FMO3: variants seen among roughly 807,000 people sequenced by gnomAD.
FMO3 encodes the protein flavin-containing monooxygenase 3.
A neutral mutation model predicts 39.4 loss-of-function variants in FMO3; 40 were observed. The observed-to-expected ratio is 1.02, with a 90% CI of 0.79 to 1.32. FMO3 has a LOEUF of 1.32. Among genes scored for constraint, FMO3 ranks in the 40% most tolerant of loss-of-function variants. The pLI is 0.00. For synonymous variants in FMO3, 219 were observed against 228.8 expected (o/e 0.96, Z 0.39); for missense variants, 680 against 651.8 (o/e 1.04, Z -0.47).
intron 2 of FMO3, chr1:171,099,734 G>A (rs1296007783): frequency 6.8e-6 from 1 of 147,522 alleles, no homozygotes; most frequent in Non-Finnish European, 1.5e-5. Context: ...TTCACCAAGT[G>A]GCCTATCGAG....
intron 2 of FMO3, 69 bp from the exon 3 acceptor site, chr1:171,103,716 A>T (rs1026056857): frequency 4.5e-6 from 6 of 1,334,172 alleles, no homozygotes; most frequent in Admixed American, 1.7e-5. Flanking sequence ...AATTACTTGG[A>T]ACCAGCCCTG....
At chr1:171,095,584 G>C (rs566170994) in intron 2 of FMO3, among the ~76,000 whole-genome samples, 3 of 150,848 alleles carry the variant, frequency 2.0e-5, no homozygotes, top group South Asian at 4.2e-4. Context: ...CAATGAAAAG[G>C]TTGTATTTAA....
chr1:171,100,963 T>C (rs1291422156), intron 2 of FMO3: 1 of 362,166 alleles, frequency 2.8e-6, no homozygotes, highest in African/African-American at 2.1e-5. Context: ...GAATGCATCG[T>C]TAAAAGAGAG....
rs1464579573 is a variant in FMO3, at chr1:171,117,212, T to C, written c.1369T>C (p.Leu457=). ...ATGGCTGTTTCTCACAGATCCCAAA[T>C]TGGCCATGGAAGTTTATTTTGGCCC... ...IPWLFLTDPK[L]AMEVYFGPCS... The change falls in exon 9 of 9, where the codon TTG becomes CTG. Residue 457 remains leucine (L), a synonymous_variant. Transcript: ENST00000367755. The C allele has an allele frequency of 1.2e-6, 2 of 1,614,164 alleles. No homozygotes were observed. The highest frequency in any genetic ancestry group is 2.2e-5 in the East Asian group (1 of 44,878).
In FMO3 at chr1:171,110,883, G is replaced by A. The variant is rs748324481; in HGVS notation, c.713G>A (p.Arg238Gln). ...GYPWDMLLVT[R>Q]FGTFLKNNLP... is the part of the protein sequence containing the mutation. ...CCTTGGGACATGCTGCTCGTCACTCGATTTGGAACCTTCCTCAAGAACAAT... is the reference window on the plus strand; with the variant it reads ...CCTTGGGACATGCTGCTCGTCACTCAATTTGGAACCTTCCTCAAGAACAAT... The change falls in exon 6 of 9, where the codon CGA becomes CAA. Residue 238 changes from arginine to glutamine, a missense_variant. Physicochemically the swap from Arg to Gln is conservative, Grantham distance 43. Transcript: ENST00000367755. 2.4e-5 allele frequency: 39 copies of A among 1,613,908 alleles called. No individual in the cohort carries two copies. Among genetic ancestry groups the A allele is most frequent in the Non-Finnish European group, 3.0e-5 (35 of 1,179,958 alleles).
chr1:171,110,976 A>G lies in FMO3; in HGVS notation c.806A>G (p.Tyr269Cys). 6.2e-7 allele frequency: 1 copy of G among 1,613,630 alleles called. No individual in the cohort carries two copies. Among genetic ancestry groups the G allele is most frequent in the South Asian group, 1.1e-5 (1 of 91,072 alleles). Reference protein sequence around the residue: ...QMNARFKHENYGLMPLNGVLR... With the variant: ...QMNARFKHENCGLMPLNGVLR... ...AATGCAAGATTCAAGCATGAAAACTATGGCTTGATGCCTTTAAATGGGTAA... is the reference window on the plus strand; with the variant it reads ...AATGCAAGATTCAAGCATGAAAACTGTGGCTTGATGCCTTTAAATGGGTAA... Residue 269 changes from tyrosine (Y) to cysteine (C), a missense_variant, in exon 6 of 9, where the codon TAT becomes TGT. Coordinates refer to ENST00000367755, the MANE Select transcript of FMO3 (RefSeq NM_001002294.3).
intron 6 of FMO3, among the ~76,000 whole-genome samples, chr1:171,111,843 C>T (rs1655927837): frequency 6.6e-6 from 1 of 152,198 alleles, no homozygotes; most frequent in Non-Finnish European, 1.5e-5. Flanking sequence ...TCCCTGTCCT[C>T]ATGGAACCTA....
intron 5 of FMO3, among the ~76,000 whole-genome samples, chr1:171,109,515 T>TTTA (rs1259810176): frequency 7.0e-6 from 1 of 142,928 alleles, no homozygotes; most frequent in Non-Finnish European, 1.5e-5. Context: ...TAATTGATCC[T>TTTA]TTAGTCTCTT....
At chr1:171,101,076 C>A (rs904926158) in intron 2 of FMO3, 12 of 455,798 alleles carry the variant, frequency 2.6e-5, no homozygotes, top group African/African-American at 2.0e-4. Flanking sequence ...TTGATGATGG[C>A]CAGAGGAGCC....
At chr1:171,115,262 A>C (rs535786480) in intron 7 of FMO3, among the ~76,000 whole-genome samples, 21 of 152,198 alleles carry the variant, frequency 1.4e-4, no homozygotes, top group Non-Finnish European at 2.5e-4. Context: ...TACACGGCAC[A>C]GGCTCTCTTA....
chr1:171,115,130 G>A (rs574794789), intron 7 of FMO3, among the ~76,000 whole-genome samples: 6 of 152,244 alleles, frequency 3.9e-5, no homozygotes, highest in Middle Eastern at 3.4e-3. Context: ...ATTCCACTTA[G>A]GGTTCAGACC....
At chr1:171,101,806 T>A (rs1043470404) in intron 2 of FMO3, 3 of 499,232 alleles carry the variant, frequency 6.0e-6, no homozygotes, top group Admixed American at 4.2e-5. Flanking sequence ...CAAAATGTCC[T>A]CTTTTCTCAG....
chr1:171,100,499 T>C (rs1655331388), intron 2 of FMO3: 1 of 152,296 alleles, frequency 6.6e-6, no homozygotes, highest in Non-Finnish European at 1.5e-5. Flanking sequence ...TGTCCCACCA[T>C]TGTATTTTGG....
intron 8 of FMO3, 94 bp downstream of exon 8, chr1:171,116,374 A>C: frequency 1.4e-6 from 1 of 710,662 alleles, no homozygotes; most frequent in Non-Finnish European, 2.5e-6. Flanking sequence ...AATTATCCTG[A>C]ATGACATCAT....
At chr1:171,098,575 G>C (rs1655213520) in intron 2 of FMO3, among the ~76,000 whole-genome samples, 1 of 152,128 alleles carries the variant, frequency 6.6e-6, no homozygotes, top group South Asian at 2.1e-4. Context: ...GTTCACTCAT[G>C]ATTTGGCTCT....
chr1:171,093,295 T>C (rs189011774), intron 2 of FMO3, among the ~76,000 whole-genome samples: 3 of 152,234 alleles, frequency 2.0e-5, no homozygotes, highest in African/African-American at 7.2e-5. Context: ...CCCTTCCAAG[T>C]CTCCAATGTC....
chr1:171,105,458 C>A (rs527358368), intron 3 of FMO3, among the ~76,000 whole-genome samples: 178 of 152,224 alleles, frequency 1.2e-3, no homozygotes, highest in African/African-American at 4.1e-3. Flanking sequence ...CCTGAGGAAT[C>A]GCCACACTGA....
intron 7 of FMO3, among the ~76,000 whole-genome samples, chr1:171,115,256 C>T (rs376101838): frequency 5.9e-5 from 9 of 152,222 alleles, no homozygotes; most frequent in East Asian, 3.9e-4. Context: ...TTGATGTACA[C>T]GGCACAGGCT....
At chr1:171,113,092 C>T (rs1472274736) in intron 6 of FMO3, among the ~76,000 whole-genome samples, 4 of 152,146 alleles carry the variant, frequency 2.6e-5, no homozygotes, top group Admixed American at 2.0e-4. Context: ...GCAGTTTCAG[C>T]GTGGTGATGG....
Sources: gnomAD v4.1 joint callset for allele counts (sites outside exome capture counted in the v4.1 genomes callset) on GRCh38, gnomAD v4.1.1 for gene constraint, MANE v1.5 for transcripts, NCBI Gene and HGNC (gene_info 2026-07-23, HGNC 2026-07-21) for gene names.